PARD3B: variants seen among roughly 807,000 people sequenced by gnomAD.
PARD3B encodes par-3 family cell polarity regulator beta, also known as partitioning defective 3 homolog B.
A neutral mutation model predicts 130.2 loss-of-function variants in PARD3B; 103 were observed. The observed-to-expected ratio is 0.79, with a 90% CI of 0.67 to 0.93. PARD3B has a LOEUF of 0.93. Ranked by LOEUF, PARD3B falls within the 40% of genes least tolerant of loss-of-function variation. The pLI, the probability that PARD3B is intolerant of heterozygous loss-of-function variation, is 0.00. For synonymous variants in PARD3B, 583 were observed against 553.2 expected, an observed-to-expected ratio of 1.05 and a Z score of -0.76; for missense variants, 1,609 against 1,499.2, an observed-to-expected ratio of 1.07 and a Z score of -1.21.
At chr2:204,613,760 A>G (rs897657986) in intron 1 of PARD3B, among the ~76,000 whole-genome samples, 24 of 152,054 alleles carry the variant, frequency 1.6e-4, no homozygotes, top group African/African-American at 5.5e-4. Flanking sequence ...TAGCTATTGT[A>G]TGGGTGCAAT....
In PARD3B at chr2:205,383,142, C is replaced by CAGATAGATA. The variant is rs1559039119; in HGVS notation, c.2631-17871_2631-17870insAGATAGATA. On this transcript the variant is annotated intron_variant, in intron 18 of 22. Transcript: ENST00000406610. Reference sequence around the variant, plus strand: ...TAGATAGATAGATAGATAGATAGATCGATCTAAACTATGTCTACACATATC... The same window carrying CAGATAGATA: ...TAGATAGATAGATAGATAGATAGATCAGATAGATAGATCTAAACTATGTCTACACATATC... Among the ~76,000 whole-genome samples the CAGATAGATA allele has an allele frequency of 2.9e-5, 4 of 139,648 alleles. 1 individual carries two copies. Among genetic ancestry groups the CAGATAGATA allele is most frequent in the Non-Finnish European group, 4.6e-5 (3 of 64,892 alleles). 91.6% of individuals were successfully genotyped at this position (139,648 alleles called of 152,430 possible). A position where few individuals can be genotyped will look rare whatever the true frequency, so the allele number is the denominator to read the frequency against.
intron 20 of PARD3B, among the ~76,000 whole-genome samples, chr2:205,448,889 G>A (rs1005072960): frequency 6.6e-6 from 1 of 152,150 alleles, no homozygotes; most frequent in African/African-American, 2.4e-5. Context: ...AATTACGGTT[G>A]GGTGCCGTGG....
intron 1 of PARD3B, among the ~76,000 whole-genome samples, chr2:204,569,564 T>C (rs1352434281): frequency 1.3e-5 from 2 of 152,240 alleles, no homozygotes; most frequent in East Asian, 3.8e-4. Context: ...CGGTGTCCAT[T>C]GGTGCTGCCT....
At chr2:204,909,463 T>G (rs2047154489) in intron 2 of PARD3B, among the ~76,000 whole-genome samples, 2 of 152,218 alleles carry the variant, frequency 1.3e-5, no homozygotes, top group Non-Finnish European at 2.9e-5. Context: ...GCATTAATTT[T>G]GGAAGATGGC....
chr2:204,801,504 G>A (rs1302743355), intron 2 of PARD3B, among the ~76,000 whole-genome samples: 1 of 152,116 alleles, frequency 6.6e-6, no homozygotes, highest in Middle Eastern at 3.4e-3. Context: ...CTCATGATTT[G>A]GCTTTCTATT....
rs188370720 is a variant in PARD3B, at chr2:205,078,572, T to A, written c.505-25854T>A. Among the ~76,000 whole-genome samples the A allele has an allele frequency of 1.7e-4, 26 of 152,320 alleles. No individual in the cohort carries two copies. The highest frequency in any genetic ancestry group is 6.3e-4 in the African/African-American group (26 of 41,572). ...AGTATTTTGCTTAAATTCATGTAAT[T>A]TTTTTAATCCATAGGGTAAGTGTGG... is the stretch of plus-strand genomic sequence containing the variant. On this transcript the variant is annotated intron_variant, in intron 4 of 22. Transcript: ENST00000406610. This position sits in a 1 kb window ranked among gnomAD's most constrained non-coding sequence, Gnocchi z 4.0.
At chr2:205,063,747 G>A (rs1306410262) in intron 4 of PARD3B, among the ~76,000 whole-genome samples, 2 of 152,136 alleles carry the variant, frequency 1.3e-5, no homozygotes, top group Non-Finnish European at 2.9e-5. Context: ...CAAATAAATG[G>A]CAGAAATATT....
intron 21 of PARD3B, among the ~76,000 whole-genome samples, chr2:205,534,971 A>G (rs531534077): frequency 2.8e-4 from 42 of 152,290 alleles, no homozygotes; most frequent in Middle Eastern, 6.8e-3. Context: ...AGAGGCTATT[A>G]TATTCACAAA....
chr2:205,156,659 T>A (rs1014677689), intron 10 of PARD3B, among the ~76,000 whole-genome samples: 41 of 152,156 alleles, frequency 2.7e-4, no homozygotes, highest in African/African-American at 9.7e-4. Flanking sequence ...GCACCTCAGT[T>A]TCCTCATCTG....
In PARD3B at chr2:204,565,272, C is replaced by T. The variant is rs115328434; in HGVS notation, c.120+19153C>T. 6.0e-3 allele frequency among the ~76,000 whole-genome samples: 908 copies of T among 152,282 alleles called. 9 individuals are homozygous for T. The highest frequency in any genetic ancestry group is 0.02 in the African/African-American group (829 of 41,568). ...CTCTAGAGCAAGTCAGCTCGCAACA[C>T]GGAGTATTATATAATACAACATAAT... On this transcript the variant is annotated intron_variant, in intron 1 of 22. Transcript: ENST00000406610.
At chr2:204,734,309 G>A (rs964210682) in intron 2 of PARD3B, among the ~76,000 whole-genome samples, 9 of 152,138 alleles carry the variant, frequency 5.9e-5, no homozygotes, top group Non-Finnish European at 1.2e-4. Context: ...CTCATACATT[G>A]CTGGGCAATT....
intron 16 of PARD3B, among the ~76,000 whole-genome samples, chr2:205,293,323 C>T (rs191465416): frequency 6.6e-6 from 1 of 152,090 alleles, no homozygotes; most frequent in African/African-American, 2.4e-5. Context: ...AACATACAAA[C>T]CACTCAACAA....
intron 1 of PARD3B, among the ~76,000 whole-genome samples, chr2:204,549,048 G>A (rs969798000): frequency 6.6e-6 from 1 of 152,234 alleles, no homozygotes; most frequent in African/African-American, 2.4e-5. Flanking sequence ...CAGCGTCTGA[G>A]AAGTAACCAC....
chr2:204,960,791 A>C (rs573870559), intron 2 of PARD3B, among the ~76,000 whole-genome samples: 52 of 152,308 alleles, frequency 3.4e-4, no homozygotes, highest in South Asian at 1.0e-3. Flanking sequence ...GGAGACAGGC[A>C]ATAAAATAAG....
intron 22 of PARD3B, among the ~76,000 whole-genome samples, chr2:205,554,676 G>A (rs911113089): frequency 2.6e-5 from 4 of 151,982 alleles, no homozygotes; most frequent in Non-Finnish European, 5.9e-5. Context: ...ATCTCAGATC[G>A]AAAATATCCA....
At chr2:204,648,488 A>G (rs1452995469) in intron 1 of PARD3B, among the ~76,000 whole-genome samples, 7 of 146,214 alleles carry the variant, frequency 4.8e-5, no homozygotes, top group Admixed American at 3.6e-4. Context: ...TCTCTTGGGT[A>G]AATACTTAGT....
In PARD3B at chr2:204,635,493, G is replaced by A. The variant is rs192735050; in HGVS notation, c.121-50688G>A. Among the ~76,000 whole-genome samples, 333 of 152,152 alleles carry A rather than the reference G, an allele frequency of 2.2e-3. 1 individual carries two copies. Among genetic ancestry groups the A allele is most frequent in the Middle Eastern group, 6.8e-3 (2 of 294 alleles). On this transcript the variant is annotated intron_variant, in intron 1 of 22. Coordinates refer to ENST00000406610, the MANE Select transcript of PARD3B (RefSeq NM_001302769.2). Reference sequence around the variant, plus strand: ...GCAGACTCTTCTCTAATGTATCTTCGTTCCTCAGGAATTAACATGGTGCTT... The same window carrying A: ...GCAGACTCTTCTCTAATGTATCTTCATTCCTCAGGAATTAACATGGTGCTT...
intron 1 of PARD3B, among the ~76,000 whole-genome samples, chr2:204,681,810 T>C (rs1052602115): frequency 1.3e-5 from 2 of 152,166 alleles, no homozygotes; most frequent in Non-Finnish European, 2.9e-5. Context: ...GAGGGGAGAA[T>C]GCCCCCAGGA....
At chr2:204,699,457 A>G (rs1000363092) in intron 2 of PARD3B, among the ~76,000 whole-genome samples, 2 of 151,968 alleles carry the variant, frequency 1.3e-5, no homozygotes, top group Admixed American at 1.3e-4. Flanking sequence ...AGAACATGCC[A>G]CTCTTCCCTA....
Sources: allele counts gnomAD v4.1 joint callset (sites outside exome capture counted in the v4.1 genomes callset), GRCh38; gene constraint gnomAD v4.1.1; non-coding constraint Gnocchi (gnomAD v3.1); transcripts MANE v1.5; gene names NCBI Gene and HGNC (gene_info 2026-07-23, HGNC 2026-07-21).